SYN3: variants seen among roughly 807,000 people sequenced by gnomAD.
SYN3 encodes synapsin-3.
In SYN3, 35 loss-of-function variants were observed where a neutral mutation model predicts 65.8. The ratio of observed to expected loss-of-function variants is 0.53; its 90% CI spans 0.41 to 0.70. SYN3 has a LOEUF of 0.70. Among genes scored for constraint, SYN3 ranks in the 30% least tolerant of loss-of-function variants. The pLI, the probability that SYN3 is intolerant of heterozygous loss-of-function variation, is 0.00. For synonymous variants in SYN3, 270 were observed against 292.9 expected (o/e 0.92, Z 0.80); for missense variants, 680 against 749.0 (o/e 0.91, Z 1.08).
At chr22:32,611,313 G>C (rs1166827062) in intron 6 of SYN3, among the ~76,000 whole-genome samples, 1 of 144,262 alleles carries the variant, frequency 6.9e-6, no homozygotes, top group South Asian at 2.3e-4. Flanking sequence ...TTTGTGGGGG[G>C]GATGGAGTCT....
At chr22:32,649,005 A>G (rs2060023004) in intron 6 of SYN3, among the ~76,000 whole-genome samples, 2 of 152,326 alleles carry the variant, frequency 1.3e-5, no homozygotes, top group Admixed American at 6.5e-5. Flanking sequence ...CTGACCACCT[A>G]TTACAGTTGA....
At chr22:32,555,160 G>C (rs868454298) in intron 7 of SYN3, among the ~76,000 whole-genome samples, 8 of 152,116 alleles carry the variant, frequency 5.3e-5, no homozygotes, top group Non-Finnish European at 8.8e-5. Flanking sequence ...AGTCTAGGCC[G>C]AGGAAAAAAG....
At chr22:32,787,053 CTTTTCT>C (rs1470170272) in intron 6 of SYN3, among the ~76,000 whole-genome samples, 2 of 101,670 alleles carry the variant, frequency 2.0e-5, no homozygotes, top group South Asian at 3.2e-4. Context: ...CCTTTCTTTT[CTTTTCT>C]TTTTTTTTTT....
chr22:32,617,068 G>A (rs1215320102), intron 6 of SYN3, among the ~76,000 whole-genome samples: 1 of 152,190 alleles, frequency 6.6e-6, no homozygotes, highest in Admixed American at 6.5e-5. Flanking sequence ...CTCAAATAGA[G>A]ATTCCTCAAT....
At chr22:32,535,099 C>T (rs1448624395) in intron 9 of SYN3, among the ~76,000 whole-genome samples, 1 of 152,202 alleles carries the variant, frequency 6.6e-6, no homozygotes, top group African/African-American at 2.4e-5. Context: ...ACCCATCTTA[C>T]TGATGGAGGA....
intron 7 of SYN3, among the ~76,000 whole-genome samples, chr22:32,570,711 T>A (rs1305241419): frequency 6.6e-6 from 1 of 152,018 alleles, no homozygotes; most frequent in African/African-American, 2.4e-5. Context: ...ACCCTCTCAT[T>A]TTGCAGCTGA....
At chr22:33,049,514 G>A (rs1185242836) in intron 1 of SYN3, among the ~76,000 whole-genome samples, 2 of 152,156 alleles carry the variant, frequency 1.3e-5, no homozygotes, top group Non-Finnish European at 2.9e-5. Context: ...CATGAAAAGG[G>A]TCAAGTATCT....
Position 32,646,166 on chromosome 22 carries a change from G to A in SYN3, c.712-49430C>T, listed in dbSNP as rs556390743. On this transcript the variant is annotated intron_variant, in intron 6 of 13. Transcript: ENST00000358763. ...TCCAGGAAGAGCACAGAGCAGTGGA[G>A]ATGCATGGAATGGATCCCTGGCTCA... Among the ~76,000 whole-genome samples the A allele has an allele frequency of 3.9e-5, 6 of 152,276 alleles. No individual in the cohort carries two copies. The South Asian group carries it at 6.2e-4, about 16-fold the overall frequency.
intron 4 of SYN3, among the ~76,000 whole-genome samples, chr22:32,916,546 T>A (rs1302581206): frequency 6.6e-6 from 1 of 152,206 alleles, no homozygotes; most frequent in Non-Finnish European, 1.5e-5. Flanking sequence ...TAGAACAAAA[T>A]AAAATCATAC....
intron 6 of SYN3, among the ~76,000 whole-genome samples, chr22:32,657,000 C>T (rs1230929128): frequency 6.6e-6 from 1 of 152,148 alleles, no homozygotes; most frequent in Admixed American, 6.5e-5. Flanking sequence ...GGAGCTTCTG[C>T]CCCATTCTGG....
intron 7 of SYN3, among the ~76,000 whole-genome samples, chr22:32,551,298 T>G (rs2058410756): frequency 6.6e-6 from 1 of 152,168 alleles, no homozygotes; most frequent in Admixed American, 6.5e-5. Context: ...CAGAGAGACT[T>G]GCCAGTCAGA....
chr22:32,733,257 C>T (rs2061294080), intron 6 of SYN3, among the ~76,000 whole-genome samples: 1 of 152,172 alleles, frequency 6.6e-6, no homozygotes, highest in African/African-American at 2.4e-5. Context: ...CTTTATCTTA[C>T]CCAACCAGGA....
intron 6 of SYN3, among the ~76,000 whole-genome samples, chr22:32,651,492 G>T (rs1467377631): frequency 6.6e-6 from 1 of 152,118 alleles, no homozygotes; most frequent in Non-Finnish European, 1.5e-5. Flanking sequence ...GAGCACACAG[G>T]TGGGGCATGA....
chr22:33,021,939 G>A (rs2053568135), intron 1 of SYN3, among the ~76,000 whole-genome samples: 1 of 151,878 alleles, frequency 6.6e-6, no homozygotes, highest in South Asian at 2.1e-4. Context: ...ATATATATTT[G>A]TTAAGTAAAC....
At chr22:32,751,273 C>A (rs2045113874) in intron 6 of SYN3, among the ~76,000 whole-genome samples, 1 of 152,158 alleles carries the variant, frequency 6.6e-6, no homozygotes, top group African/African-American at 2.4e-5. Flanking sequence ...AGGTCACTGA[C>A]CTTAGCAGGC....
chr22:32,650,988 T>C lies in SYN3; in HGVS notation c.712-54252A>G, dbSNP rs137928338. ...CATACTTAGCGACTGGAATAGAAGG[T>C]CAGTCACTTGAGGGTCTGGGGTCAG... On this transcript the variant is annotated intron_variant, in intron 6 of 13. Transcript: ENST00000358763. 5.5e-4 allele frequency among the ~76,000 whole-genome samples: 83 copies of C among 152,276 alleles called. No homozygotes were observed. The East Asian group carries it at 6.2e-3, about 11-fold the overall frequency.
At position 32,509,039 on chromosome 22, in the gene SYN3, G is replaced by A. The variant is rs1358217268; in HGVS notation, c.*4653C>T. Among the ~76,000 whole-genome samples, 1 of 152,214 alleles carries A rather than the reference G, an allele frequency of 6.6e-6. No homozygotes were observed. The highest frequency in any genetic ancestry group is 1.5e-5 in the Non-Finnish European group (1 of 68,042). Reference sequence around the variant, plus strand: ...TTAGTTAATTCAGCAGGGACGGAATGTTAGGCTAGAGAATGTAGTAATGAA... The same window carrying A: ...TTAGTTAATTCAGCAGGGACGGAATATTAGGCTAGAGAATGTAGTAATGAA... On this transcript the variant is annotated 3_prime_UTR_variant, in exon 14 of 14. Coordinates refer to ENST00000358763, the MANE Select transcript of SYN3 (RefSeq NM_003490.4).
chr22:32,925,919 A>G (rs1396165094), intron 4 of SYN3, among the ~76,000 whole-genome samples: 1 of 135,298 alleles, frequency 7.4e-6, no homozygotes, highest in East Asian at 2.1e-4. Context: ...GGCTCACTGC[A>G]GTGGCTCACT....
chr22:32,957,727 T>A (rs747485384), intron 3 of SYN3, among the ~76,000 whole-genome samples: 1 of 152,150 alleles, frequency 6.6e-6, no homozygotes, highest in East Asian at 1.9e-4. Context: ...CTGTGAAATA[T>A]CTCCAAGTTA....
Sources: gnomAD v4.1 joint callset for allele counts (sites outside exome capture counted in the v4.1 genomes callset) on GRCh38, gnomAD v4.1.1 for gene constraint, MANE v1.5 for transcripts, NCBI Gene and HGNC (gene_info 2026-07-23, HGNC 2026-07-21) for gene names.